Variants in CNTNAP2 observed in about 807,000 individuals in gnomAD.
CNTNAP2 encodes the protein contactin-associated protein-like 2.
CNTNAP2 carries 98 observed loss-of-function variants against 155.2 expected under a neutral mutation model. That is an observed-to-expected ratio of 0.63 (90% CI 0.54 to 0.75). The LOEUF (loss-of-function observed/expected upper bound fraction) is 0.75, where lower values mean the gene tolerates loss of function less well. CNTNAP2 is among the 30% of genes least tolerant of loss of function. The pLI, the probability that CNTNAP2 is intolerant of heterozygous loss-of-function variation, is 0.00. For synonymous variants in CNTNAP2, 651 were observed against 631.2 expected, an observed-to-expected ratio of 1.03 and a Z score of -0.47; for missense variants, 1,727 against 1,688.1, an observed-to-expected ratio of 1.02 and a Z score of -0.40.
chr7:146,962,093 GTTCATTCAGTAT>G lies in CNTNAP2; in HGVS notation c.403-81813_403-81802del, dbSNP rs558458608. 2.3e-3 allele frequency among the ~76,000 whole-genome samples: 350 copies of G among 152,118 alleles called. 1 individual carries two copies. Among genetic ancestry groups the G allele is most frequent in the African/African-American group, 7.3e-3 (301 of 41,502 alleles). ...TTCTCCTAGATTTTATAATCTTGTT[GTTCATTCAGTAT>G]AATTTGTTTTCTAACATAAACTTGA... On this transcript the variant is annotated intron_variant, in intron 3 of 23. Transcript: ENST00000361727.
intron 21 of CNTNAP2, among the ~76,000 whole-genome samples, chr7:148,275,683 C>T (rs562810729): frequency 6.6e-6 from 1 of 152,198 alleles, no homozygotes. Flanking sequence ...GAGTTCTCCC[C>T]CAAGGGTTCC....
chr7:146,272,949 G>A (rs1342997086), intron 1 of CNTNAP2, among the ~76,000 whole-genome samples: 3 of 152,056 alleles, frequency 2.0e-5, no homozygotes, highest in African/African-American at 4.8e-5. Flanking sequence ...AAGTGAAGGA[G>A]GAGTTCACCA....
intron 1 of CNTNAP2, among the ~76,000 whole-genome samples, chr7:146,222,722 C>G (rs1799227901): frequency 6.8e-6 from 1 of 147,602 alleles, no homozygotes; most frequent in Admixed American, 6.9e-5. Flanking sequence ...GTGGTGTGAT[C>G]TCAGCTCAAT....
intron 21 of CNTNAP2, among the ~76,000 whole-genome samples, chr7:148,343,340 A>G (rs1190295114): frequency 1.3e-5 from 2 of 152,184 alleles, no homozygotes; most frequent in African/African-American, 4.8e-5. Context: ...ATACCAGCCC[A>G]CAGTACAGTG....
At chr7:148,375,703 G>A (rs1051353379) in intron 21 of CNTNAP2, among the ~76,000 whole-genome samples, 2 of 150,646 alleles carry the variant, frequency 1.3e-5, no homozygotes, top group African/African-American at 4.9e-5. Flanking sequence ...TAAGTTTTTT[G>A]TTTTCAGTCT....
intron 8 of CNTNAP2, among the ~76,000 whole-genome samples, chr7:147,152,315 G>A (rs1161860813): frequency 6.6e-6 from 1 of 151,898 alleles, no homozygotes; most frequent in East Asian, 1.9e-4. Flanking sequence ...GTAGGTTGTG[G>A]TGGTTAATTA....
intron 11 of CNTNAP2, among the ~76,000 whole-genome samples, chr7:147,560,910 G>A (rs907217209): frequency 1.3e-5 from 2 of 150,798 alleles, no homozygotes; most frequent in Non-Finnish European, 3.0e-5. Flanking sequence ...GGTAGAGGAA[G>A]GTTAAAAAAG....
intron 4 of CNTNAP2, among the ~76,000 whole-genome samples, chr7:147,048,633 C>T (rs1799413987): frequency 6.6e-6 from 1 of 152,196 alleles, no homozygotes; most frequent in South Asian, 2.1e-4. Flanking sequence ...GCTCTAGCCA[C>T]TAACCATATG....
chr7:147,695,249 A>T (rs1337457418), intron 13 of CNTNAP2, among the ~76,000 whole-genome samples: 2 of 152,150 alleles, frequency 1.3e-5, no homozygotes, highest in Non-Finnish European at 1.5e-5. Flanking sequence ...ATGTGTTATT[A>T]CCCAGAACGT....
intron 1 of CNTNAP2, among the ~76,000 whole-genome samples, chr7:146,656,653 T>TTA (rs1353956499): frequency 6.6e-6 from 1 of 152,152 alleles, no homozygotes; most frequent in East Asian, 1.9e-4. Context: ...GTTAAAGGCG[T>TTA]TAGGTAGGCT....
intron 1 of CNTNAP2, among the ~76,000 whole-genome samples, chr7:146,764,426 C>G (rs1464530771): frequency 6.6e-6 from 1 of 151,464 alleles, no homozygotes; most frequent in Non-Finnish European, 1.5e-5. Flanking sequence ...ATTTGTTTTC[C>G]AGATTACAGC....
At chr7:146,837,797 A>T (rs940645537) in intron 2 of CNTNAP2, among the ~76,000 whole-genome samples, 5 of 152,200 alleles carry the variant, frequency 3.3e-5, no homozygotes, top group Non-Finnish European at 5.9e-5. Context: ...GGACTAAAAT[A>T]TCCCTACATA....
intron 13 of CNTNAP2, chr7:147,672,754 T>C (rs1795808763): frequency 6.6e-6 from 1 of 152,200 alleles, no homozygotes; most frequent in Non-Finnish European, 1.5e-5. Context: ...CAGACCCTGC[T>C]GTTATGCAAG....
rs183393023 is a variant in CNTNAP2 at position 146,756,063 on chromosome 7, G to A, written c.98-18208G>A. Among the ~76,000 whole-genome samples the A allele has an allele frequency of 6.6e-5, 10 of 151,842 alleles. No individual in the cohort carries two copies. In the East Asian group the frequency reaches 1.9e-3, roughly 29 times the overall value. On this transcript the variant is annotated intron_variant, in intron 1 of 23. Coordinates refer to ENST00000361727, the MANE Select transcript of CNTNAP2 (RefSeq NM_014141.6). ...AATATGATATTCTAGAATCTAAATT[G>A]ATTTTCTATGAAAATAGAAACAAAA...
intron 1 of CNTNAP2, among the ~76,000 whole-genome samples, chr7:146,445,660 T>A (rs973525702): frequency 6.6e-6 from 1 of 152,154 alleles, no homozygotes; most frequent in Non-Finnish European, 1.5e-5. Context: ...TATCAAGACA[T>A]TTTCCCAATA....
intron 9 of CNTNAP2, among the ~76,000 whole-genome samples, chr7:147,300,700 C>A (rs1794932303): frequency 6.6e-6 from 1 of 152,088 alleles, no homozygotes; most frequent in African/African-American, 2.4e-5. Context: ...ATTTGCTGAG[C>A]GAGTCTTTCA....
At chr7:148,054,597 C>T (rs1802972937) in intron 15 of CNTNAP2, among the ~76,000 whole-genome samples, 1 of 151,858 alleles carries the variant, frequency 6.6e-6, no homozygotes, top group Admixed American at 6.6e-5. Context: ...CTCTATGCTC[C>T]CTAACTACAA....
intron 15 of CNTNAP2, among the ~76,000 whole-genome samples, chr7:148,062,026 AGAGTGTGTGTGTGT>A (rs1383192105): frequency 1.5e-5 from 2 of 131,962 alleles, no homozygotes; most frequent in African/African-American, 2.9e-5. Flanking sequence ...AGAGAGAGAG[AGAGTGTGTGTGTGT>A]GTGTGTGTGT....
intron 1 of CNTNAP2, among the ~76,000 whole-genome samples, chr7:146,310,288 C>G (rs1800796629): frequency 1.3e-5 from 2 of 152,010 alleles, no homozygotes; most frequent in South Asian, 4.2e-4. Flanking sequence ...TCATTGTTAC[C>G]CACTACACAG....
Sources: gnomAD v4.1 joint callset for allele counts (sites outside exome capture counted in the v4.1 genomes callset) on GRCh38, gnomAD v4.1.1 for gene constraint, MANE v1.5 for transcripts, NCBI Gene and HGNC (gene_info 2026-07-23, HGNC 2026-07-21) for gene names.